CFAP47: variants seen among roughly 807,000 people sequenced by gnomAD.
CFAP47 encodes cilia- and flagella-associated protein 47.
CFAP47 carries 29 observed loss-of-function variants against 148.1 expected under a neutral mutation model. The ratio of observed to expected loss-of-function variants is 0.20; its 90% CI spans 0.15 to 0.27. The LOEUF is 0.27. CFAP47 is among the 10% of genes least tolerant of loss of function. The pLI is 1.00. For missense variants in CFAP47, 1,872 were observed against 1,697.5 expected, an observed-to-expected ratio of 1.10 and a Z score of -1.81; for synonymous variants, 664 against 577.3, an observed-to-expected ratio of 1.15 and a Z score of -2.15.
chrX:36,274,645 A>T (rs192336605), intron 49 of CFAP47, among the ~76,000 whole-genome samples: 31 of 111,695 alleles, frequency 2.8e-4, no homozygotes, highest in African/African-American at 1.0e-3. Flanking sequence ...TTAATTTCCT[A>T]CTCAAATTGT....
chrX:36,345,995 A>G (rs1461926705), intron 57 of CFAP47, among the ~76,000 whole-genome samples: 1 of 111,690 alleles, frequency 9.0e-6, no homozygotes, highest in Non-Finnish European at 1.9e-5. Context: ...TATTTGAGAA[A>G]AAATGACTTT....
intron 13 of CFAP47, among the ~76,000 whole-genome samples, chrX:35,972,414 T>C (rs1195715071): frequency 9.0e-6 from 1 of 110,521 alleles, no homozygotes; most frequent in African/African-American, 3.3e-5. Flanking sequence ...GTATTTTTAA[T>C]TGAGATGGGG....
At chrX:35,936,910 T>G (rs6632409) in intron 2 of CFAP47, among the ~76,000 whole-genome samples, 1 of 107,298 alleles carries the variant, frequency 9.3e-6, no homozygotes. Flanking sequence ...AAGTACCCCC[T>G]TGGCTGCCCA....
intron 42 of CFAP47, among the ~76,000 whole-genome samples, chrX:36,191,204 T>C (rs1476524199): frequency 8.9e-6 from 1 of 111,747 alleles, no homozygotes; most frequent in African/African-American, 3.2e-5. Context: ...TTGTGAAATG[T>C]AATAACTATA....
Position 35,941,348 on chromosome X carries a change from G to T in CFAP47, c.467G>T (p.Ser156Ile). The T allele has an allele frequency of 8.5e-7, 1 of 1,170,641 alleles. No individual in the cohort carries two copies. Among genetic ancestry groups the T allele is most frequent in the Non-Finnish European group, 1.1e-6 (1 of 873,612 alleles). Residue 156 changes from serine to isoleucine, a missense_variant, in exon 3 of 64, where the codon AGT becomes ATT. Physicochemically the swap from Ser to Ile is moderately radical, Grantham distance 142 (BLOSUM62 -2). Coordinates refer to ENST00000378653, the MANE Select transcript of CFAP47 (RefSeq NM_001304548.2). ...VVNFGTLVAN[S>I]KVYSKEITIT... ...AATTTTGGCACACTGGTTGCCAATA[G>T]TAAAGTATATTCTAAAGAGATTACT...
At chrX:36,227,618 T>A (rs868994316) in intron 45 of CFAP47, among the ~76,000 whole-genome samples, 2 of 112,085 alleles carry the variant, frequency 1.8e-5, no homozygotes, top group Middle Eastern at 4.6e-3. Flanking sequence ...ACATTTGAAG[T>A]GTTCACTTTG....
intron 57 of CFAP47, among the ~76,000 whole-genome samples, chrX:36,324,138 G>A (rs1556012572): frequency 9.0e-6 from 1 of 111,567 alleles, no homozygotes; most frequent in African/African-American, 3.2e-5. Context: ...AACCAAGAAC[G>A]ACACAAGAGT....
intron 62 of CFAP47, among the ~76,000 whole-genome samples, chrX:36,371,853 T>C (rs140589533): frequency 2.9e-5 from 2 of 68,742 alleles, no homozygotes; most frequent in African/African-American, 8.4e-5. Context: ...TGTGTATATA[T>C]GTGTGCATAT....
intron 30 of CFAP47, among the ~76,000 whole-genome samples, chrX:36,097,698 G>A (rs1174954925): frequency 9.1e-6 from 1 of 110,344 alleles, no homozygotes; most frequent in African/African-American, 3.3e-5. Context: ...TTTGATATTT[G>A]GGAGACTGGT....
chrX:36,237,899 CT>C (rs782614823), intron 48 of CFAP47, among the ~76,000 whole-genome samples: 2 of 109,390 alleles, frequency 1.8e-5, no homozygotes, highest in African/African-American at 6.6e-5. Context: ...TTTTCCTCTT[CT>C]TTTTTTTTGC....
At chrX:36,347,476 G>A (rs782521357) in intron 57 of CFAP47, among the ~76,000 whole-genome samples, 12 of 112,075 alleles carry the variant, frequency 1.1e-4, no homozygotes, top group African/African-American at 3.9e-4. Flanking sequence ...AAAGACACAT[G>A]CACACGTATG....
intron 39 of CFAP47, among the ~76,000 whole-genome samples, chrX:36,172,612 C>T (rs1486102037): frequency 9.0e-6 from 1 of 110,594 alleles, no homozygotes; most frequent in African/African-American, 3.3e-5. Context: ...TATTGATTTG[C>T]ATATGTTGAA....
At chrX:35,974,080 T>C (rs1248468417) in intron 13 of CFAP47, among the ~76,000 whole-genome samples, 2 of 111,788 alleles carry the variant, frequency 1.8e-5, no homozygotes, top group Non-Finnish European at 3.8e-5. Flanking sequence ...CCTTATATAA[T>C]ACATAATTGG....
At chrX:36,292,340 G>T (rs1556005701) in intron 51 of CFAP47, among the ~76,000 whole-genome samples, 2 of 111,571 alleles carry the variant, frequency 1.8e-5, no homozygotes, top group Admixed American at 1.9e-4. Context: ...GAAAATTATT[G>T]ACCCAGATTA....
intron 63 of CFAP47, among the ~76,000 whole-genome samples, chrX:36,382,966 T>C (rs1212283722): frequency 9.0e-6 from 1 of 111,583 alleles, no homozygotes; most frequent in Non-Finnish European, 1.9e-5. Flanking sequence ...TTTTAAAATA[T>C]ACATGGATAG....
chrX:36,145,447 G>A (rs181941133), intron 36 of CFAP47, 94 bp downstream of exon 36: 27 of 284,491 alleles, frequency 9.5e-5, no homozygotes, highest in Middle Eastern at 9.5e-4. Flanking sequence ...AACAGCAAGC[G>A]TCTGTAGGAA....
intron 2 of CFAP47, among the ~76,000 whole-genome samples, chrX:35,940,122 A>G (rs1163149597): frequency 9.1e-6 from 1 of 110,288 alleles, no homozygotes; most frequent in East Asian, 2.9e-4. Context: ...CATGTCCTTC[A>G]CCCACTTTTT....
chrX:36,182,279 G>C (rs138286562), intron 40 of CFAP47, among the ~76,000 whole-genome samples: 1,574 of 111,820 alleles, frequency 0.014, 29 homozygotes, highest in African/African-American at 0.048. Context: ...ACAAAACCTA[G>C]CTGGAGGAAA....
intron 19 of CFAP47, among the ~76,000 whole-genome samples, chrX:35,998,972 C>T (rs1447132393): frequency 9.0e-6 from 1 of 111,036 alleles, no homozygotes; most frequent in Non-Finnish European, 1.9e-5. Context: ...TTAGACATAG[C>T]TGACTTTAAA....
Sources: allele counts gnomAD v4.1 joint callset (sites outside exome capture counted in the v4.1 genomes callset), GRCh38; gene constraint gnomAD v4.1.1; transcripts MANE v1.5; gene names NCBI Gene and HGNC (gene_info 2026-07-23, HGNC 2026-07-21).